Variants in PLPPR1 observed in about 807,000 individuals in gnomAD.
PLPPR1 encodes phospholipid phosphatase related 1, also known as phospholipid phosphatase-related protein type 1.
In PLPPR1, 10 loss-of-function variants were observed where a neutral mutation model predicts 33.1. The ratio of observed to expected loss-of-function variants is 0.30; its 90% CI spans 0.19 to 0.51. The LOEUF (loss-of-function observed/expected upper bound fraction) is 0.51. Among genes scored for constraint, PLPPR1 ranks in the 20% least tolerant of loss-of-function variants. PLPPR1 has a pLI of 0.97. For synonymous variants in PLPPR1, 151 were observed against 151.0 expected (o/e 1.00, Z 0.00); for missense variants, 304 against 408.1 (o/e 0.74, Z 2.20).
At chr9:101,313,169 C>T (rs1828990943) in intron 6 of PLPPR1, among the ~76,000 whole-genome samples, 195 bp downstream of exon 6, 1 of 152,186 alleles carries the variant, frequency 6.6e-6, no homozygotes, top group South Asian at 2.1e-4. Flanking sequence ...AACTGGATTG[C>T]CAAATTCCTT....
In PLPPR1 at chr9:101,324,329, A is replaced by G. The variant is rs1019879605; in HGVS notation, c.*272A>G. 1 of 342,972 alleles carries G rather than the reference A, an allele frequency of 2.9e-6. No individual in the cohort carries two copies. Among genetic ancestry groups the G allele is most frequent in the Non-Finnish European group, 5.2e-6 (1 of 190,494 alleles). The allele number at this position is 342,972 out of a possible 1,614,324, so 21.2% of individuals were successfully genotyped here. On this transcript the variant is annotated 3_prime_UTR_variant, in exon 8 of 8. Coordinates refer to ENST00000374874, the MANE Select transcript of PLPPR1 (RefSeq NM_207299.2). ...TGCATTGAAGAACCACATTTATTCA[A>G]TGGTTGACGTTGTTTTGTGATATTT... is the stretch of plus-strand genomic sequence containing the variant.
At chr9:101,150,863 T>C (rs2118649519) in intron 1 of PLPPR1, among the ~76,000 whole-genome samples, 1 of 152,078 alleles carries the variant, frequency 6.6e-6, no homozygotes, top group Non-Finnish European at 1.5e-5. Flanking sequence ...CAAAATGACA[T>C]TTCAACATGC....
chr9:101,238,788 AAATT>A (rs1267393071), intron 2 of PLPPR1, among the ~76,000 whole-genome samples: 16 of 152,004 alleles, frequency 1.1e-4, no homozygotes, highest in Middle Eastern at 3.4e-3. Flanking sequence ...ACATAAAAAT[AAATT>A]AAGATTATTG....
intron 1 of PLPPR1, among the ~76,000 whole-genome samples, chr9:101,158,390 C>T (rs1831725350): frequency 6.6e-6 from 1 of 152,022 alleles, no homozygotes. Flanking sequence ...GGTGATAGGA[C>T]CAGAATTCAA....
At chr9:101,237,836 T>TATATATGTATATAG (rs370193024) in intron 2 of PLPPR1, among the ~76,000 whole-genome samples, 2 of 129,892 alleles carry the variant, frequency 1.5e-5, no homozygotes, top group Admixed American at 7.8e-5. Flanking sequence ...TATATATATA[T>TATATATGTATATAG]GCTATATATG....
intron 1 of PLPPR1, among the ~76,000 whole-genome samples, chr9:101,035,684 C>T (rs771146867): frequency 2.0e-5 from 3 of 152,114 alleles, no homozygotes; most frequent in Non-Finnish European, 4.4e-5. Flanking sequence ...GTTCAGTAAA[C>T]GTTTTTGATT....
chr9:101,158,328 G>T (rs1045733588), intron 1 of PLPPR1, among the ~76,000 whole-genome samples: 1 of 152,152 alleles, frequency 6.6e-6, no homozygotes, highest in Non-Finnish European at 1.5e-5. Context: ...AGTGAGGAAA[G>T]ATTGTTTCCT....
intron 7 of PLPPR1, 128 bp downstream of exon 7, chr9:101,317,624 C>G (rs1039311074): frequency 1.1e-6 from 1 of 951,804 alleles, no homozygotes; most frequent in Non-Finnish European, 1.5e-6. Flanking sequence ...TGTAAAGGCC[C>G]TCACAAAAGG....
intron 1 of PLPPR1, among the ~76,000 whole-genome samples, chr9:101,179,707 A>T (rs919957646): frequency 2.0e-5 from 3 of 152,094 alleles, no homozygotes; most frequent in African/African-American, 7.2e-5. Context: ...GACAAGGGGT[A>T]GACTTGTGAT....
intron 1 of PLPPR1, among the ~76,000 whole-genome samples, chr9:101,083,272 CCTCAGCCTCCTGAATAG>C (rs1830641987): frequency 6.6e-6 from 1 of 151,782 alleles, no homozygotes; most frequent in African/African-American, 2.4e-5. Context: ...GATTCTCCTG[CCTCAGCCTCCTGAATAG>C]CTGAGATTAC....
At chr9:101,261,625 A>G (rs1827900758) in intron 2 of PLPPR1, among the ~76,000 whole-genome samples, 2 of 152,324 alleles carry the variant, frequency 1.3e-5, no homozygotes, top group South Asian at 4.1e-4. Flanking sequence ...GACTGGATAA[A>G]TAAACTGTGG....
intron 4 of PLPPR1, among the ~76,000 whole-genome samples, chr9:101,287,526 G>T (rs1444536329): frequency 1.3e-5 from 2 of 152,136 alleles, no homozygotes; most frequent in Non-Finnish European, 2.9e-5. Context: ...TTTTTAGACA[G>T]AGTCTTGCTC....
intron 2 of PLPPR1, among the ~76,000 whole-genome samples, chr9:101,231,367 T>G (rs1013794078): frequency 1.3e-5 from 2 of 151,868 alleles, no homozygotes; most frequent in African/African-American, 4.8e-5. Flanking sequence ...CGTTTGTTTT[T>G]TTTTTTTTTA....
intron 1 of PLPPR1, among the ~76,000 whole-genome samples, chr9:101,150,163 C>T (rs990221287): frequency 3.3e-5 from 5 of 152,048 alleles, no homozygotes; most frequent in African/African-American, 1.2e-4. Context: ...ATAGTAATCA[C>T]CTATTTGAAA....
chr9:101,242,140 G>A (rs1827483235), intron 2 of PLPPR1, among the ~76,000 whole-genome samples: 1 of 151,986 alleles, frequency 6.6e-6, no homozygotes, highest in African/African-American at 2.4e-5. Context: ...TCCTCTTTAT[G>A]AGCCTTGGGC....
At chr9:101,223,847 AAT>A (rs1221874669) in intron 2 of PLPPR1, among the ~76,000 whole-genome samples, 1 of 151,894 alleles carries the variant, frequency 6.6e-6, no homozygotes, top group Non-Finnish European at 1.5e-5. Flanking sequence ...AACCAATACA[AAT>A]ATATATATAT....
At chr9:101,151,667 G>T (rs527718627) in intron 1 of PLPPR1, among the ~76,000 whole-genome samples, 57 of 152,278 alleles carry the variant, frequency 3.7e-4, no homozygotes, top group African/African-American at 1.2e-3. Context: ...ACAAAGGGAT[G>T]GCAACTATGT....
chr9:101,081,123 A>G (rs1830612815), intron 1 of PLPPR1, among the ~76,000 whole-genome samples: 1 of 151,494 alleles, frequency 6.6e-6, no homozygotes, highest in Non-Finnish European at 1.5e-5. Flanking sequence ...CTCCTCTCCC[A>G]TTTTCCTTTG....
intron 1 of PLPPR1, among the ~76,000 whole-genome samples, chr9:101,099,058 C>T (rs115135945): frequency 1.6e-4 from 23 of 147,908 alleles, no homozygotes; most frequent in African/African-American, 5.8e-4. Context: ...TCCCTCTAAA[C>T]CTCAATTTTC....
Sources: allele counts gnomAD v4.1 joint callset (sites outside exome capture counted in the v4.1 genomes callset), GRCh38; gene constraint gnomAD v4.1.1; transcripts MANE v1.5; gene names NCBI Gene and HGNC (gene_info 2026-07-23, HGNC 2026-07-21).